Variants in CELF2 observed in about 807,000 individuals in gnomAD.
CELF2 encodes the protein CUGBP Elav-like family member 2.
A neutral mutation model predicts 62.6 loss-of-function variants in CELF2; 8 were observed. That is an observed-to-expected ratio of 0.13 (90% CI 0.07 to 0.23). CELF2 has a LOEUF of 0.23. Among genes scored for constraint, CELF2 ranks in the 10% least tolerant of loss-of-function variants. CELF2 has a pLI of 1.00. For missense variants in CELF2, 333 were observed against 671.0 expected (o/e 0.50, Z 5.56); for synonymous variants, 258 against 250.0 (o/e 1.03, Z -0.30).
intron 2 of CELF2, chr10:10,946,964 T>C (rs2047753466): frequency 6.6e-6 from 1 of 152,270 alleles, no homozygotes; most frequent in Non-Finnish European, 1.5e-5. Context: ...CAAGAACACA[T>C]TTTAAAATCT....
In CELF2 at chr10:11,095,339, C is replaced by T. The variant is rs80141849; in HGVS notation, c.75-70147C>T. Among the ~76,000 whole-genome samples, 296 of 152,204 alleles carry T rather than the reference C, an allele frequency of 1.9e-3. 11 individuals carry two copies. The East Asian group carries it at 0.053, about 27-fold the overall frequency. ...TGGGTGGAAGTAGTGTGGTAGCTGG[C>T]GGTTGTGTGCGGCATCATCCCACAA... On this transcript the variant is annotated intron_variant, in intron 1 of 12. Transcript: ENST00000633077.
intron 1 of CELF2, among the ~76,000 whole-genome samples, chr10:11,142,034 C>T (rs942650480): frequency 2.0e-5 from 3 of 152,200 alleles, no homozygotes; most frequent in Admixed American, 1.3e-4. Context: ...TGCCTTCCCA[C>T]GACATCATAC....
chr10:10,709,825 A>T, the CELF2 span, among the ~76,000 whole-genome samples: 3 of 152,200 alleles, frequency 2.0e-5, no homozygotes, highest in Non-Finnish European at 2.9e-5. Flanking sequence ...GATTTCCCTC[A>T]GCTGGCATCA....
Position 11,220,607 on chromosome 10 carries a change from G to A in CELF2, c.354+3100G>A, listed in dbSNP as rs578143464. Among the ~76,000 whole-genome samples the A allele has an allele frequency of 3.2e-4, 48 of 152,178 alleles. 1 individual carries two copies. In the South Asian group the frequency reaches 9.1e-3, roughly 29 times the overall value. ...CGTTTCTCAAACTTGCCTCTTACTG[G>A]GTAACCAAAGAAGACGCTCTGTTTT... On this transcript the variant is annotated intron_variant, in intron 3 of 12. Coordinates refer to ENST00000633077, the MANE Select transcript of CELF2 (RefSeq NM_001326342.2). This position sits in a 1 kb window ranked among gnomAD's most constrained non-coding sequence, Gnocchi z 4.4.
At chr10:11,281,626 G>A (rs759867811) in intron 8 of CELF2, among the ~76,000 whole-genome samples, 19 of 152,082 alleles carry the variant, frequency 1.2e-4, no homozygotes, top group South Asian at 4.1e-4. Flanking sequence ...GGTGGCAAGC[G>A]CCTGTAGTCC....
the CELF2 span, among the ~76,000 whole-genome samples, chr10:10,492,635 C>T: frequency 6.6e-6 from 1 of 152,154 alleles, no homozygotes; most frequent in Non-Finnish European, 1.5e-5. Context: ...TTTACAGCAG[C>T]ATTATTCACA....
At chr10:11,149,622 T>TA (rs908275558) in intron 1 of CELF2, among the ~76,000 whole-genome samples, 7 of 152,202 alleles carry the variant, frequency 4.6e-5, no homozygotes, top group African/African-American at 1.7e-4. Context: ...GTGTTCCTCT[T>TA]ACTGCTGCAT....
At position 10,929,048 on chromosome 10, in the gene CELF2, G is replaced by A. The variant is rs559893769; in HGVS notation, c.89+9049G>A. 5.3e-5 allele frequency among the ~76,000 whole-genome samples: 8 copies of A among 152,276 alleles called. No homozygotes were observed. The South Asian group carries it at 1.7e-3, about 32-fold the overall frequency. On this transcript the variant is annotated intron_variant, in intron 2 of 13. Transcript: ENST00000636488. ...AGGAAGCCTTCTCCTAAAGAACCAG[G>A]GGTAGACAAGATGTATGATTTCTGC...
the CELF2 span, among the ~76,000 whole-genome samples, chr10:10,748,028 A>G: frequency 6.6e-6 from 1 of 152,146 alleles, no homozygotes; most frequent in Non-Finnish European, 1.5e-5. Flanking sequence ...AAAACGTTGC[A>G]CTCATGGAGG....
chr10:11,182,157 C>T (rs1001599819), intron 2 of CELF2, among the ~76,000 whole-genome samples: 1 of 152,214 alleles, frequency 6.6e-6, no homozygotes, highest in African/African-American at 2.4e-5. Flanking sequence ...CCTGAAACCC[C>T]GCCAGACTTA....
intron 1 of CELF2, among the ~76,000 whole-genome samples, chr10:11,094,296 A>G (rs1429935403): frequency 1.3e-5 from 2 of 152,232 alleles, no homozygotes; most frequent in Non-Finnish European, 2.9e-5. Context: ...CTAAAATGCC[A>G]TCATTTGTAA....
Position 10,931,338 on chromosome 10 carries a change from TA to T in CELF2, c.89+11342del, listed in dbSNP as rs1783676535. ...CCCATTAGGCCTGACTATTCATCCT[TA>T]AACCTCTGCTTGTCATGCTGGCTGG... is the stretch of plus-strand genomic sequence containing the variant. On this transcript the variant is annotated intron_variant, in intron 2 of 13. Coordinates refer to the CELF2 transcript ENST00000636488. The surrounding 1 kb of genome is among the most constrained non-coding windows in gnomAD (Gnocchi z 6.1). Among the ~76,000 whole-genome samples, 6 of 152,260 alleles carry T rather than the reference TA, an allele frequency of 3.9e-5. No homozygotes were observed. Among genetic ancestry groups the T allele is most frequent in the Middle Eastern group, 3.4e-3 (1 of 292 alleles).
At chr10:10,741,951 T>C in the CELF2 span, among the ~76,000 whole-genome samples, 2 of 152,232 alleles carry the variant, frequency 1.3e-5, no homozygotes, top group Non-Finnish European at 1.5e-5. Context: ...TAATTATTAA[T>C]TGAAATTCTT....
chr10:11,065,612 G>T (rs893057390), intron 1 of CELF2, among the ~76,000 whole-genome samples: 6 of 152,102 alleles, frequency 3.9e-5, no homozygotes, highest in Non-Finnish European at 7.4e-5. Context: ...AACCAATAGG[G>T]AAAAACTTAA....
chr10:11,232,257 T>A (rs2069010242), intron 3 of CELF2, among the ~76,000 whole-genome samples: 1 of 152,136 alleles, frequency 6.6e-6, no homozygotes, highest in Non-Finnish European at 1.5e-5. Context: ...ATTCCTGTAC[T>A]CATTTCTGTT....
At chr10:11,287,901 G>T (rs779964491) in intron 8 of CELF2, among the ~76,000 whole-genome samples, 4 of 152,230 alleles carry the variant, frequency 2.6e-5, no homozygotes, top group African/African-American at 4.8e-5. Flanking sequence ...ACCCATACCA[G>T]TTCAGCTTCC....
chr10:10,918,194 T>C (rs959020836), intron 1 of CELF2, among the ~76,000 whole-genome samples: 2 of 152,214 alleles, frequency 1.3e-5, no homozygotes, highest in Non-Finnish European at 2.9e-5. Context: ...GAGACTTCTA[T>C]TGTAATAAAT....
the CELF2 span, among the ~76,000 whole-genome samples, chr10:10,660,920 C>T: frequency 3.3e-5 from 5 of 152,152 alleles, no homozygotes; most frequent in African/African-American, 7.2e-5. Context: ...ATATTGCCAC[C>T]AATCACTGTC....
the CELF2 span, among the ~76,000 whole-genome samples, chr10:10,508,969 C>T: frequency 3.3e-5 from 5 of 152,124 alleles, no homozygotes; most frequent in Non-Finnish European, 7.4e-5. Flanking sequence ...CCACTGCGCC[C>T]GGCCCAGATA....
Sources: gnomAD v4.1 joint callset for allele counts (sites outside exome capture counted in the v4.1 genomes callset) on GRCh38, gnomAD v4.1.1 for gene constraint, Gnocchi (gnomAD v3.1) non-coding constraint, MANE v1.5 for transcripts, NCBI Gene and HGNC (gene_info 2026-07-23, HGNC 2026-07-21) for gene names.